KIAA0319L: variants seen among roughly 807,000 people sequenced by gnomAD.
The protein encoded by KIAA0319L is KIAA0319 like, also known as dyslexia-associated protein KIAA0319-like protein.
Under a neutral mutation model 120.1 loss-of-function variants are expected in KIAA0319L, and 55 were observed. The ratio of observed to expected loss-of-function variants is 0.46; its 90% CI spans 0.37 to 0.57. The LOEUF (loss-of-function observed/expected upper bound fraction) is 0.57. Ranked by LOEUF, KIAA0319L falls within the 20% of genes least tolerant of loss-of-function variation. The pLI is 0.00. For synonymous variants in KIAA0319L, 398 were observed against 471.9 expected (o/e 0.84, Z 2.03); for missense variants, 1,049 against 1,255.3 (o/e 0.84, Z 2.48).
intron 2 of KIAA0319L, among the ~76,000 whole-genome samples, chr1:35,550,830 T>C (rs191492457): frequency 1.3e-5 from 2 of 152,174 alleles, no homozygotes; most frequent in African/African-American, 4.8e-5. Flanking sequence ...AGCCCCCGAG[T>C]AGCTGGGACT....
chr1:35,536,904 G>A (rs72659623), intron 2 of KIAA0319L, among the ~76,000 whole-genome samples: 5,736 of 151,912 alleles, frequency 0.038, 152 homozygotes, highest in Middle Eastern at 0.072. Flanking sequence ...TAACTAGGGG[G>A]TTACACTGCT....
chr1:35,504,047 C>A (rs576531373), intron 3 of KIAA0319L, among the ~76,000 whole-genome samples: 14 of 151,246 alleles, frequency 9.3e-5, no homozygotes, highest in African/African-American at 3.2e-4. Flanking sequence ...CACCTCACCT[C>A]GCTAATTTTT....
At chr1:35,539,154 A>C (rs1050002894) in intron 2 of KIAA0319L, among the ~76,000 whole-genome samples, 8 of 152,084 alleles carry the variant, frequency 5.3e-5, no homozygotes, top group African/African-American at 1.7e-4. Context: ...ACTCTCCACC[A>C]CTTCCTCTCC....
rs779251390 is a variant in KIAA0319L at position 35,506,803 on chromosome 1, C to A, written c.475G>T (p.Ala159Ser). Residue 159 changes from alanine to serine, a missense_variant, in exon 3 of 21, where the codon GCA (alanine) becomes TCA (serine). Physicochemically the swap from Ala to Ser is moderately conservative, Grantham distance 99. Transcript: ENST00000325722. The surrounding 1 kb of genome is among the most constrained non-coding windows in gnomAD (Gnocchi z 4.0). The part of the protein sequence containing the change: ...PHLLGLGWNW[A>S]SWRQSPPRAA... ...CTGGGTGGGCTCTGCCTCCAAGATG[C>A]CCAGTTCCAACCTAGCCCCAGAAGA... is the stretch of plus-strand genomic sequence containing the variant. 2.5e-6 allele frequency: 4 copies of A among 1,614,174 alleles called. No homozygotes were observed. The South Asian group carries it at 4.4e-5, about 18-fold the overall frequency.
chr1:35,543,312 G>A (rs1173350659), intron 2 of KIAA0319L, among the ~76,000 whole-genome samples: 2 of 152,186 alleles, frequency 1.3e-5, no homozygotes, highest in Non-Finnish European at 2.9e-5. Context: ...TACAGTCTGA[G>A]GAGACTGATT....
chr1:35,463,211 C>T (rs1264551982), intron 7 of KIAA0319L, among the ~76,000 whole-genome samples: 1 of 152,234 alleles, frequency 6.6e-6, no homozygotes, highest in Non-Finnish European at 1.5e-5. Context: ...AGGAGAGTCA[C>T]AAGACCAGAC....
At chr1:35,475,480 T>C (rs1344055136) in intron 4 of KIAA0319L, among the ~76,000 whole-genome samples, 2 of 152,068 alleles carry the variant, frequency 1.3e-5, no homozygotes, top group African/African-American at 4.8e-5. Flanking sequence ...TCCAAGAATT[T>C]TTTTTTTCTT....
rs778754099 is a variant in KIAA0319L at position 35,507,137 on chromosome 1, T to G, written c.143-2A>C. 1 of 1,515,668 alleles carries G rather than the reference T, an allele frequency of 6.6e-7. No homozygotes were observed. 93.9% of individuals were successfully genotyped at this position (1,515,668 alleles called of 1,614,324 possible). A position where few individuals can be genotyped will look rare whatever the true frequency, so the allele number is the denominator to read the frequency against. ...GCTGGCACCTGCTCTCACTGGCATC[T>G]AAAAACAAAGAATGAAAACATTTTC... On this transcript the variant is annotated splice_acceptor_variant, in intron 2 of 20. Coordinates refer to ENST00000325722, the MANE Select transcript of KIAA0319L (RefSeq NM_024874.5). LOFTEE classifies it high-confidence loss of function.
chr1:35,484,355 T>G (rs1290941483), intron 3 of KIAA0319L, among the ~76,000 whole-genome samples: 1 of 152,148 alleles, frequency 6.6e-6, no homozygotes, highest in Non-Finnish European at 1.5e-5. Context: ...GGAGGATTGC[T>G]TGAACCCAGA....
Position 35,437,536 on chromosome 1 carries a change from C to T in KIAA0319L, c.2963-2455G>A, listed in dbSNP as rs944901630. 1.3e-5 allele frequency among the ~76,000 whole-genome samples: 2 copies of T among 152,202 alleles called. No homozygotes were observed. Among genetic ancestry groups the T allele is most frequent in the African/African-American group, 2.4e-5 (1 of 41,446 alleles). ...ATTCAGGGCCTTCATCTCCTCACTGCGCTTTCTAAATCACCTGCGCTTTCA... is the reference window on the plus strand; with the variant it reads ...ATTCAGGGCCTTCATCTCCTCACTGTGCTTTCTAAATCACCTGCGCTTTCA... On this transcript the variant is annotated intron_variant, in intron 20 of 20. Coordinates refer to ENST00000325722, the MANE Select transcript of KIAA0319L (RefSeq NM_024874.5). This position sits in a 1 kb window ranked among gnomAD's most constrained non-coding sequence, Gnocchi z 4.1.
chr1:35,495,860 C>CTA (rs1644783401), intron 3 of KIAA0319L, among the ~76,000 whole-genome samples: 1 of 83,308 alleles, frequency 1.2e-5, no homozygotes, highest in African/African-American at 8.1e-5. Flanking sequence ...TATTAACACT[C>CTA]TACAAAAAAA....
chr1:35,462,796 C>A (rs1278610672), intron 7 of KIAA0319L, 83 bp from the exon 8 acceptor site: 8 of 1,065,218 alleles, frequency 7.5e-6, no homozygotes, highest in South Asian at 1.3e-5. Context: ...GATTATAAAT[C>A]AATTTCCATT....
rs112307327 is a variant in KIAA0319L, at chr1:35,549,281, C to T, written c.142+5069G>A. On this transcript the variant is annotated intron_variant, in intron 2 of 20. Coordinates refer to ENST00000325722, the MANE Select transcript of KIAA0319L (RefSeq NM_024874.5). ...CAGGCTGGTCTTGAACTCCTGGCCT[C>T]GGGTGATCCTCCTGCCTCAGCCTCT... Among the ~76,000 whole-genome samples, 19 of 152,100 alleles carry T rather than the reference C, an allele frequency of 1.2e-4. 2 individuals are homozygous for T. The highest frequency in any genetic ancestry group is 4.1e-4 in the African/African-American group (17 of 41,496).
intron 20 of KIAA0319L, chr1:35,435,343 G>A (rs576019926): frequency 4.8e-6 from 2 of 415,326 alleles, no homozygotes; most frequent in East Asian, 4.3e-5. Context: ...CAGTATCCAT[G>A]AGCTTTGGTT....
rs1166101203 is a variant in KIAA0319L at position 35,449,027 on chromosome 1, C to T, written c.2354-695G>A. On this transcript the variant is annotated intron_variant, in intron 15 of 20. Transcript: ENST00000325722. ...TGCCTTATTTACATACTTGAATGCACCACTTGCCTGTTCTGATGTATAATT... is the reference window on the plus strand; with the variant it reads ...TGCCTTATTTACATACTTGAATGCATCACTTGCCTGTTCTGATGTATAATT... 1.3e-5 allele frequency among the ~76,000 whole-genome samples: 2 copies of T among 152,180 alleles called. 1 individual carries two copies. Among genetic ancestry groups the T allele is most frequent in the Non-Finnish European group, 2.9e-5 (2 of 68,040 alleles).
chr1:35,549,820 T>C (rs1647132281), intron 2 of KIAA0319L, among the ~76,000 whole-genome samples: 1 of 152,248 alleles, frequency 6.6e-6, no homozygotes, highest in African/African-American at 2.4e-5. Context: ...AAAGAACAAT[T>C]CCCTTATTGG....
intron 2 of KIAA0319L, among the ~76,000 whole-genome samples, chr1:35,521,669 A>AAAAT (rs1033285411): frequency 1.3e-4 from 19 of 146,256 alleles, no homozygotes; most frequent in African/African-American, 4.5e-4. Context: ...TAAATAAATA[A>AAAAT]AAATAAATAA....
intron 4 of KIAA0319L, among the ~76,000 whole-genome samples, chr1:35,478,720 G>A (rs1399670148): frequency 6.6e-6 from 1 of 152,170 alleles, no homozygotes; most frequent in Non-Finnish European, 1.5e-5. Context: ...ATTGAATCAT[G>A]TGCCTTTAAG....
intron 2 of KIAA0319L, among the ~76,000 whole-genome samples, chr1:35,534,068 G>A (rs1646474670): frequency 6.6e-6 from 1 of 152,188 alleles, no homozygotes; most frequent in Admixed American, 6.5e-5. Flanking sequence ...CTTTTCAAAA[G>A]GGGTAACATT....
Sources: gnomAD v4.1 joint callset for allele counts (sites outside exome capture counted in the v4.1 genomes callset) on GRCh38, gnomAD v4.1.1 for gene constraint, Gnocchi (gnomAD v3.1) non-coding constraint, MANE v1.5 for transcripts, NCBI Gene and HGNC (gene_info 2026-07-23, HGNC 2026-07-21) for gene names.